THAP4: variants seen among roughly 807,000 people sequenced by gnomAD.
THAP4 encodes the protein peroxynitrite isomerase THAP4.
Under a neutral mutation model 48.1 loss-of-function variants are expected in THAP4, and 18 were observed. The ratio of observed to expected loss-of-function variants is 0.37; its 90% CI spans 0.26 to 0.56. The LOEUF is 0.56. Among genes scored for constraint, THAP4 ranks in the 20% least tolerant of loss-of-function variants. The probability of loss-of-function intolerance (pLI) is 0.78; values close to 1 mark genes in which losing one functional copy is unlikely to be tolerated. For synonymous variants in THAP4, 345 were observed against 324.9 expected (o/e 1.06, Z -0.66); for missense variants, 656 against 774.9 (o/e 0.85, Z 1.82).
upstream of THAP4, chr2:241,637,408 C>G: frequency 1.4e-6 from 2 of 1,447,442 alleles, no homozygotes; most frequent in Non-Finnish European, 1.8e-6. Context: ...TCTGCCGCCT[C>G]GACAACTGCT....
chr2:241,629,523 A>G, intron 2 of THAP4, among the ~76,000 whole-genome samples: 1 of 151,882 alleles, frequency 6.6e-6, no homozygotes, highest in East Asian at 1.9e-4. Flanking sequence ...TAGAAGAATA[A>G]TAAGAAAACG....
intron 4 of THAP4, chr2:241,602,277 C>G: frequency 2.1e-6 from 1 of 486,234 alleles, no homozygotes; most frequent in Non-Finnish European, 3.7e-6. Flanking sequence ...GGCAGAACCA[C>G]CCCTAGCACA....
chr2:241,605,297 T>C (rs1301323673), intron 3 of THAP4, among the ~76,000 whole-genome samples: 1 of 152,190 alleles, frequency 6.6e-6, no homozygotes, highest in Non-Finnish European at 1.5e-5. Context: ...AGCCCCGTTC[T>C]GAAACTGCTA....
At chr2:241,588,339 T>C (rs1311591787) in intron 5 of THAP4, among the ~76,000 whole-genome samples, 4 of 152,336 alleles carry the variant, frequency 2.6e-5, no homozygotes, top group Non-Finnish European at 5.9e-5. Context: ...ATTGGAGGAC[T>C]CAGTTTGCCT....
chr2:241,614,024 C>T (rs1027194018), intron 2 of THAP4, among the ~76,000 whole-genome samples: 1 of 151,872 alleles, frequency 6.6e-6, no homozygotes, highest in African/African-American at 2.4e-5. Context: ...CATGGTGGTG[C>T]GTGTCTGTAG....
At chr2:241,608,083 A>C (rs924408693) in intron 2 of THAP4, among the ~76,000 whole-genome samples, 1 of 152,112 alleles carries the variant, frequency 6.6e-6, no homozygotes, top group Admixed American at 6.5e-5. Flanking sequence ...GAAATTACAC[A>C]ACCTTTGGAT....
rs1575029298 is a variant in THAP4 at position 241,611,645 on chromosome 2, A to G, written c.1241-5172T>C. 1.4e-5 allele frequency among the ~76,000 whole-genome samples: 2 copies of G among 145,100 alleles called. 1 individual carries two copies. Among genetic ancestry groups the G allele is most frequent in the South Asian group, 4.4e-4 (2 of 4,540 alleles). The stretch of plus-strand genomic sequence containing the variant: ...AGGCTGAGGCAGGAGAATGGCATGA[A>G]CCCCGGAGGCACAGGTTGCAGTGAG... On this transcript the variant is annotated intron_variant, in intron 2 of 5. Coordinates refer to ENST00000407315, the MANE Select transcript of THAP4 (RefSeq NM_015963.6).
At chr2:241,613,757 A>C (rs1299829652) in intron 2 of THAP4, among the ~76,000 whole-genome samples, 1 of 152,120 alleles carries the variant, frequency 6.6e-6, no homozygotes, top group Non-Finnish European at 1.5e-5. Flanking sequence ...CCTGTCTCAG[A>C]AACAAAACAA....
intron 2 of THAP4, among the ~76,000 whole-genome samples, chr2:241,611,123 G>T (rs2125084006): frequency 6.6e-6 from 1 of 152,316 alleles, no homozygotes; most frequent in East Asian, 1.9e-4. Context: ...GAAGTGGTGG[G>T]TCAGTGCCTC....
At chr2:241,597,217 G>A (rs929891017) in intron 5 of THAP4, among the ~76,000 whole-genome samples, 4 of 152,192 alleles carry the variant, frequency 2.6e-5, no homozygotes, top group East Asian at 3.9e-4. Flanking sequence ...TGCAACCTCC[G>A]CTGCCTACCA....
At chr2:241,614,564 T>C (rs1334399011) in intron 2 of THAP4, among the ~76,000 whole-genome samples, 3 of 152,218 alleles carry the variant, frequency 2.0e-5, no homozygotes, top group Non-Finnish European at 4.4e-5. Context: ...TAGTTCTGAC[T>C]GATACATATT....
intron 2 of THAP4, among the ~76,000 whole-genome samples, chr2:241,607,847 A>G (rs2067204462): frequency 8.1e-6 from 1 of 123,708 alleles, no homozygotes; most frequent in Non-Finnish European, 1.7e-5. Flanking sequence ...ACTGATGGGG[A>G]CAGGATTGGA....
chr2:241,604,775 C>T (rs1221176827), intron 3 of THAP4, among the ~76,000 whole-genome samples: 1 of 151,938 alleles, frequency 6.6e-6, no homozygotes, highest in Non-Finnish European at 1.5e-5. Flanking sequence ...CCAGGCTGGT[C>T]TTGGACTCCT....
intron 2 of THAP4, among the ~76,000 whole-genome samples, chr2:241,619,794 G>GAGTGAGT (rs2067394478): frequency 1.4e-5 from 2 of 140,144 alleles, no homozygotes; most frequent in Admixed American, 7.0e-5. Flanking sequence ...AGTGAGGGGT[G>GAGTGAGT]CGTGAGTCGT....
chr2:241,602,890 G>T, intron 4 of THAP4, 80 bp downstream of exon 4: 2 of 1,088,710 alleles, frequency 1.8e-6, no homozygotes, highest in Non-Finnish European at 2.8e-6. Context: ...GGTTGCACAT[G>T]GGCATCCCTG....
At position 241,611,460 on chromosome 2, in the gene THAP4, C is replaced by T. The variant is rs143909512; in HGVS notation, c.1241-4987G>A. On this transcript the variant is annotated intron_variant, in intron 2 of 5. Coordinates refer to ENST00000407315, the MANE Select transcript of THAP4 (RefSeq NM_015963.6). ...GCTGCCGGCTGGACGCAGTGGCTCA[C>T]GCCTATAATCCCAGCACTTTGGGAG... Among the ~76,000 whole-genome samples the T allele has an allele frequency of 1.1e-3, 171 of 152,320 alleles. 1 individual carries two copies. The highest frequency in any genetic ancestry group is 3.7e-3 in the African/African-American group (153 of 41,576).
rs2067264146 is a variant in THAP4 at position 241,610,878 on chromosome 2, AG to A, written c.1241-4406del. 6.6e-6 allele frequency among the ~76,000 whole-genome samples: 1 copy of A among 151,864 alleles called. No homozygotes were observed. Among genetic ancestry groups the A allele is most frequent in the Admixed American group, 6.6e-5 (1 of 15,248 alleles). ...CAGAGAGACACGGGGATGGGGCCAG[AG>A]ACGGGGCCAGAGACAGAGACACAGA... On this transcript the variant is annotated intron_variant, in intron 2 of 5. Coordinates refer to ENST00000407315, the MANE Select transcript of THAP4 (RefSeq NM_015963.6). This position sits in a 1 kb window ranked among gnomAD's most constrained non-coding sequence, Gnocchi z 4.2.
chr2:241,601,861 A>G lies in THAP4; in HGVS notation c.1614+35T>C. The G allele has an allele frequency of 6.2e-7, 1 of 1,612,352 alleles. No individual in the cohort carries two copies. Among genetic ancestry groups the G allele is most frequent in the Non-Finnish European group, 8.5e-7 (1 of 1,179,506 alleles). ...GACTCCACAGACCGCTGCAAACAGA[A>G]GACAGGAGCGTGCTGGGAGCAGGGC... On this transcript the variant is annotated intron_variant, in intron 5 of 5. Coordinates refer to ENST00000407315, the MANE Select transcript of THAP4 (RefSeq NM_015963.6). The surrounding 1 kb of genome is among the most constrained non-coding windows in gnomAD (Gnocchi z 4.0).
intron 5 of THAP4, among the ~76,000 whole-genome samples, chr2:241,592,584 C>A (rs1224467755): frequency 6.6e-6 from 1 of 152,166 alleles, no homozygotes; most frequent in Non-Finnish European, 1.5e-5. Flanking sequence ...CCCACCAACA[C>A]CCACACAAAC....
Sources: gnomAD v4.1 joint callset for allele counts (sites outside exome capture counted in the v4.1 genomes callset) on GRCh38, gnomAD v4.1.1 for gene constraint, Gnocchi (gnomAD v3.1) non-coding constraint, MANE v1.5 for transcripts, NCBI Gene and HGNC (gene_info 2026-07-23, HGNC 2026-07-21) for gene names.